The following ABCB5 variants were observed in gnomAD, a reference collection of about 807,000 sequenced individuals.
ABCB5 encodes ATP binding cassette subfamily B member 5.
Under a neutral mutation model 144.2 loss-of-function variants are expected in ABCB5, and 155 were observed. That is an observed-to-expected ratio of 1.08 (90% confidence interval 0.94 to 1.23). The LOEUF (loss-of-function observed/expected upper bound fraction) is 1.23. ABCB5 is among the 50% of genes most tolerant of loss of function. The pLI, the probability that ABCB5 is intolerant of heterozygous loss-of-function variation, is 0.00. For synonymous variants in ABCB5, 610 were observed against 528.6 expected (o/e 1.15, Z -2.11); for missense variants, 1,830 against 1,520.8 (o/e 1.20, Z -3.38).
At chr7:20,631,606 A>G (rs181837869) in intron 4 of ABCB5, among the ~76,000 whole-genome samples, 1 of 152,192 alleles carries the variant, frequency 6.6e-6, no homozygotes, top group African/African-American at 2.4e-5. Context: ...TATACTCAAC[A>G]TGTTTCACTG....
intron 4 of ABCB5, 67 bp from the exon 5 acceptor site, chr7:20,631,989 GGCT>G: frequency 1.0e-6 from 1 of 982,652 alleles, no homozygotes; most frequent in Non-Finnish European, 1.5e-6. Context: ...TGGTTTGGAG[GGCT>G]ATCTGTGTAA....
chr7:20,617,432 A>C (rs746249154), intron 1 of ABCB5, among the ~76,000 whole-genome samples: 28 of 152,248 alleles, frequency 1.8e-4, no homozygotes, highest in Non-Finnish European at 3.1e-4. Flanking sequence ...TATTAACAGC[A>C]GATAAAAACA....
At chr7:20,639,865 A>G (rs1318147053) in intron 5 of ABCB5, among the ~76,000 whole-genome samples, 1 of 152,184 alleles carries the variant, frequency 6.6e-6, no homozygotes, top group Non-Finnish European at 1.5e-5. Context: ...TTTTATGATC[A>G]CCTTGTCAAT....
intron 20 of ABCB5, among the ~76,000 whole-genome samples, chr7:20,712,158 C>CAAAAAAAAAAAAAAA (rs34938819): frequency 3.8e-5 from 2 of 52,644 alleles, no homozygotes; most frequent in African/African-American, 1.6e-4. Context: ...AAGACGCCGT[C>CAAAAAAAAAAAAAAA]AAAAAAAAAA....
intron 14 of ABCB5, 29 bp from the exon 15 acceptor site, chr7:20,681,476 A>G (rs1442023722): frequency 6.2e-7 from 1 of 1,611,178 alleles, no homozygotes; most frequent in East Asian, 2.2e-5. Context: ...ACTAATGTCT[A>G]TTTATTTTCT....
intron 1 of ABCB5, among the ~76,000 whole-genome samples, chr7:20,618,204 T>C (rs1392338492): frequency 6.6e-6 from 1 of 152,174 alleles, no homozygotes; most frequent in African/African-American, 2.4e-5. Context: ...TTAGCTGTCA[T>C]CTCTATTTCT....
chr7:20,624,460 T>A (rs929504312), intron 2 of ABCB5, among the ~76,000 whole-genome samples: 4 of 152,218 alleles, frequency 2.6e-5, no homozygotes, highest in African/African-American at 9.6e-5. Flanking sequence ...GCAAACTGCA[T>A]CTATATGCTA....
chr7:20,670,258 T>C (rs1785419776), intron 14 of ABCB5, among the ~76,000 whole-genome samples: 1 of 151,786 alleles, frequency 6.6e-6, no homozygotes, highest in Non-Finnish European at 1.5e-5. Context: ...GATGTGTCAA[T>C]AGTGGTTCAG....
chr7:20,754,718 C>A (rs1367151125), intron 27 of ABCB5, among the ~76,000 whole-genome samples: 2 of 152,064 alleles, frequency 1.3e-5, no homozygotes, highest in African/African-American at 4.8e-5. Flanking sequence ...CTTAGAAATA[C>A]TACTTCCTGA....
At position 20,723,004 on chromosome 7, in the gene ABCB5, G is replaced by C. The variant is rs375003337; in HGVS notation, c.2422-12G>C. On this transcript the variant is annotated splice_polypyrimidine_tract_variant and intron_variant, in intron 20 of 27. Coordinates refer to ENST00000404938, the MANE Select transcript of ABCB5 (RefSeq NM_001163941.2). ...AATTGAGTTTTTTCCCCCAAAATAT[G>C]TCTGATTATAGGCAACAGGTTCCAG... 8.1e-5 allele frequency: 131 copies of C among 1,613,130 alleles called. No individual in the cohort carries two copies. In the Middle Eastern group the frequency reaches 8.2e-4, roughly 10 times the overall value.
chr7:20,739,065 G>C lies in ABCB5; in HGVS notation c.2950G>C (p.Gly984Arg). 1 of 1,612,226 alleles carries C rather than the reference G, an allele frequency of 6.2e-7. No homozygotes were observed. Among genetic ancestry groups the C allele is most frequent in the Non-Finnish European group, 8.5e-7 (1 of 1,179,226 alleles). The stretch of plus-strand genomic sequence containing the variant: ...TCCTGAATATTCCAAAGCCAAATCG[G>C]GGGCTGCGCATCTGTTTGCCTTGTT... The part of the protein sequence containing the change: ...LAPEYSKAKS[G>R]AAHLFALLEK... The change falls in exon 24 of 28, where the codon GGG becomes CGG. Residue 984 changes from glycine (G) to arginine (R), a missense_variant. Gly to Arg is a moderately radical substitution (Grantham distance 125, BLOSUM62 -2). Coordinates refer to ENST00000404938, the MANE Select transcript of ABCB5 (RefSeq NM_001163941.2).
rs187267428 is a variant in ABCB5, at chr7:20,665,917, C to T, written c.1707+7241C>T. On this transcript the variant is annotated intron_variant, in intron 14 of 27. Transcript: ENST00000404938. ...GGGCCTGGTGGCTCATGCCTGTAAT[C>T]CCAGAACTTTGGAAGGCAGAGACAG... 1.5e-3 allele frequency among the ~76,000 whole-genome samples: 224 copies of T among 151,718 alleles called. 1 individual carries two copies. Among genetic ancestry groups the T allele is most frequent in the African/African-American group, 5.2e-3 (215 of 41,374 alleles).
chr7:20,722,862 T>C (rs1381515941), intron 20 of ABCB5, among the ~76,000 whole-genome samples, 154 bp from the exon 21 acceptor site: 3 of 152,042 alleles, frequency 2.0e-5, no homozygotes, highest in African/African-American at 2.4e-5. Flanking sequence ...AAAATATGTA[T>C]CTTATTTAAT....
intron 16 of ABCB5, 132 bp downstream of exon 16, chr7:20,685,968 C>G: frequency 2.1e-6 from 2 of 963,320 alleles, no homozygotes; most frequent in Middle Eastern, 3.2e-4. Context: ...ATGTCTTTCC[C>G]AAATTTCACT....
rs533379931 is a variant in ABCB5, at chr7:20,677,295, C to T, written c.1708-4210C>T. 1.3e-3 allele frequency among the ~76,000 whole-genome samples: 192 copies of T among 152,270 alleles called. 1 individual carries two copies. The highest frequency in any genetic ancestry group is 3.4e-3 in the Middle Eastern group (1 of 294). On this transcript the variant is annotated intron_variant, in intron 14 of 27. Coordinates refer to ENST00000404938, the MANE Select transcript of ABCB5 (RefSeq NM_001163941.2). ...GTAGGGCTGCTAGAGGGGAGCATAA[C>T]TGTCCATTCTACCTACTTTTTGTGA... is the stretch of plus-strand genomic sequence containing the variant.
chr7:20,619,219 G>A (rs1251203226), intron 1 of ABCB5, among the ~76,000 whole-genome samples: 1 of 152,096 alleles, frequency 6.6e-6, no homozygotes, highest in African/African-American at 2.4e-5. Context: ...GGAATTGTTG[G>A]GTTGAATGGT....
chr7:20,678,610 CAAAACAAAAACAAAAACA>C (rs571153694), intron 14 of ABCB5, among the ~76,000 whole-genome samples: 1 of 149,054 alleles, frequency 6.7e-6, no homozygotes, highest in Admixed American at 6.7e-5. Context: ...TAGGCATTTA[CAAAACAAAAACAAAAACA>C]AAAACAAAAA....
At chr7:20,656,906 C>CTTTTTTTTTTTTTTTTTTTTTTTTTTTT (rs1562543053) in intron 13 of ABCB5, among the ~76,000 whole-genome samples, 1 of 135,740 alleles carries the variant, frequency 7.4e-6, no homozygotes. Flanking sequence ...TTTCTTTTTC[C>CTTTTTTTTTTTTTTTTTTTTTTTTTTTT]TTTTTCTTTT....
intron 23 of ABCB5, among the ~76,000 whole-genome samples, chr7:20,736,452 G>A (rs1227725187): frequency 6.6e-6 from 1 of 152,038 alleles, no homozygotes; most frequent in African/African-American, 2.4e-5. Context: ...TCCTGACCTC[G>A]TGATCCACCC....
Sources: gnomAD v4.1 joint callset for allele counts (sites outside exome capture counted in the v4.1 genomes callset) on GRCh38, gnomAD v4.1.1 for gene constraint, MANE v1.5 for transcripts, NCBI Gene and HGNC (gene_info 2026-07-23, HGNC 2026-07-21) for gene names.